The following PCSK5 variants were observed in gnomAD, a reference collection of about 807,000 sequenced individuals.
The protein encoded by PCSK5 is proprotein convertase subtilisin/kexin type 5.
A neutral mutation model predicts 233.2 loss-of-function variants in PCSK5; 129 were observed. The ratio of observed to expected loss-of-function variants is 0.55; its 90% CI spans 0.48 to 0.64. The LOEUF is 0.64. Ranked by LOEUF, PCSK5 falls within the 30% of genes least tolerant of loss-of-function variation. The probability of loss-of-function intolerance (pLI) is 0.00; values close to 1 mark genes in which losing one functional copy is unlikely to be tolerated. For missense variants in PCSK5, 2,076 were observed against 2,430.1 expected (o/e 0.85, Z 3.06); for synonymous variants, 825 against 879.2 (o/e 0.94, Z 1.09).
chr9:76,288,861 A>G (rs1416197820), intron 24 of PCSK5, among the ~76,000 whole-genome samples: 1 of 152,164 alleles, frequency 6.6e-6, no homozygotes, highest in Non-Finnish European at 1.5e-5. Flanking sequence ...TTTCCAATAC[A>G]TCTTATAGGT....
chr9:76,138,687 G>A (rs759971746), intron 10 of PCSK5, among the ~76,000 whole-genome samples: 16 of 151,790 alleles, frequency 1.1e-4, no homozygotes, highest in Non-Finnish European at 2.1e-4. Context: ...TTTTCAAAGT[G>A]TTTATATTGG....
intron 24 of PCSK5, among the ~76,000 whole-genome samples, chr9:76,281,098 C>A (rs559751707): frequency 6.6e-6 from 1 of 152,124 alleles, no homozygotes; most frequent in East Asian, 1.9e-4. Flanking sequence ...CATAAAAGTG[C>A]GAGGTGAAGC....
intron 7 of PCSK5, among the ~76,000 whole-genome samples, chr9:76,086,557 A>C (rs1476054271): frequency 6.6e-6 from 1 of 152,234 alleles, no homozygotes; most frequent in African/African-American, 2.4e-5. Flanking sequence ...AAAGCAGCTA[A>C]TTATTTGGGA....
chr9:75,968,703 G>A (rs1378592493), intron 2 of PCSK5, among the ~76,000 whole-genome samples: 1 of 152,214 alleles, frequency 6.6e-6, no homozygotes, highest in Non-Finnish European at 1.5e-5. Context: ...GGATTTCAGT[G>A]AGCAAGATGG....
chr9:76,192,828 G>GAAGCA (rs1824473079), intron 20 of PCSK5, among the ~76,000 whole-genome samples: 1 of 152,094 alleles, frequency 6.6e-6, no homozygotes, highest in Admixed American at 6.5e-5. Flanking sequence ...CTTTTCCTTT[G>GAAGCA]TGTTACTTAA....
At chr9:76,154,131 G>A (rs558821953) in intron 10 of PCSK5, among the ~76,000 whole-genome samples, 1 of 152,228 alleles carries the variant, frequency 6.6e-6, no homozygotes, top group East Asian at 1.9e-4. Flanking sequence ...GACCTTCATT[G>A]ATCTACTCAG....
At chr9:76,121,645 G>C (rs1426377536) in intron 9 of PCSK5, among the ~76,000 whole-genome samples, 1 of 152,194 alleles carries the variant, frequency 6.6e-6, no homozygotes, top group African/African-American at 2.4e-5. Flanking sequence ...TTTGGTATCA[G>C]ATGATGTTAA....
At chr9:76,323,369 A>T (rs1318485411) in intron 32 of PCSK5, 81 bp downstream of exon 32, 1 of 800,458 alleles carries the variant, frequency 1.2e-6, no homozygotes, top group Admixed American at 2.7e-5. Flanking sequence ...CTGTCATCTC[A>T]ATCTTTTTTT....
At chr9:76,118,049 A>G (rs1330564838) in intron 9 of PCSK5, among the ~76,000 whole-genome samples, 1 of 152,112 alleles carries the variant, frequency 6.6e-6, no homozygotes, top group African/African-American at 2.4e-5. Context: ...ATTGGAATTG[A>G]CATCTGATAG....
chr9:76,189,699 A>G lies in PCSK5; in HGVS notation c.2579A>G (p.Tyr860Cys). 6.2e-7 allele frequency: 1 copy of G among 1,612,800 alleles called. No individual in the cohort carries two copies. The highest frequency in any genetic ancestry group is 8.5e-7 in the Non-Finnish European group (1 of 1,178,892). ...FKNCTSCPSG[Y>C]LLDLGMCQMG... ...AACTGTACAAGCTGCCCTAGTGGGTATCTCTTAGACTTAGGAATGTGTCAA... is the reference window on the plus strand; with the variant it reads ...AACTGTACAAGCTGCCCTAGTGGGTGTCTCTTAGACTTAGGAATGTGTCAA... Residue 860 changes from tyrosine (Y) to cysteine (C), a missense_variant, in exon 20 of 38, where the codon TAT becomes TGT. Transcript: ENST00000674117.
At chr9:76,040,377 C>G (rs4275284) in intron 5 of PCSK5, among the ~76,000 whole-genome samples, 15,711 of 59,072 alleles carry the variant, frequency 0.27, 803 homozygotes, top group Non-Finnish European at 0.3. Flanking sequence ...CTCTCTCTCT[C>G]TCTCTCTGTC....
chr9:75,895,440 A>G (rs1825764689), intron 1 of PCSK5, among the ~76,000 whole-genome samples: 1 of 152,244 alleles, frequency 6.6e-6, no homozygotes, highest in African/African-American at 2.4e-5. Context: ...GCGAAATGTG[A>G]AGATCAGGAA....
At chr9:76,249,613 C>A (rs1826736895) in intron 24 of PCSK5, among the ~76,000 whole-genome samples, 1 of 152,138 alleles carries the variant, frequency 6.6e-6, no homozygotes, top group Non-Finnish European at 1.5e-5. Context: ...AATACCAAGG[C>A]TCCTTAGAGA....
At chr9:76,231,482 T>C (rs944474456) in intron 21 of PCSK5, among the ~76,000 whole-genome samples, 15 of 152,216 alleles carry the variant, frequency 9.9e-5, no homozygotes, top group African/African-American at 1.2e-4. Flanking sequence ...TCAATTGATT[T>C]TAGCAAGAAA....
At chr9:75,940,183 T>C (rs1249582022) in intron 2 of PCSK5, among the ~76,000 whole-genome samples, 2 of 152,262 alleles carry the variant, frequency 1.3e-5, no homozygotes, top group African/African-American at 2.4e-5. Flanking sequence ...TTTTAAGAGA[T>C]TTAACGTGTT....
chr9:76,181,796 A>G (rs1306992768), intron 16 of PCSK5, among the ~76,000 whole-genome samples: 1 of 152,164 alleles, frequency 6.6e-6, no homozygotes, highest in East Asian at 1.9e-4. Context: ...GACCACCCCC[A>G]GATTCAGTGA....
At chr9:75,959,917 T>G (rs964328805) in intron 2 of PCSK5, among the ~76,000 whole-genome samples, 4 of 152,218 alleles carry the variant, frequency 2.6e-5, no homozygotes, top group Admixed American at 1.3e-4. Flanking sequence ...CTGTGATGGT[T>G]CCACTTAAAC....
intron 22 of PCSK5, among the ~76,000 whole-genome samples, chr9:76,238,671 T>C (rs1826328439): frequency 6.6e-6 from 1 of 152,238 alleles, no homozygotes; most frequent in Non-Finnish European, 1.5e-5. Context: ...AAACACAATG[T>C]GAATTGTAGT....
intron 9 of PCSK5, among the ~76,000 whole-genome samples, chr9:76,123,337 G>A (rs1359892605): frequency 1.3e-5 from 2 of 151,700 alleles, no homozygotes; most frequent in African/African-American, 2.4e-5. Flanking sequence ...TTTGTGCAGG[G>A]GAAAAAATCT....
Sources: allele counts gnomAD v4.1 joint callset (sites outside exome capture counted in the v4.1 genomes callset), GRCh38; gene constraint gnomAD v4.1.1; transcripts MANE v1.5; gene names NCBI Gene and HGNC (gene_info 2026-07-23, HGNC 2026-07-21).